Variants in SOX5 observed in about 807,000 individuals in gnomAD.
SOX5 encodes the protein transcription factor SOX-5.
A neutral mutation model predicts 92.0 loss-of-function variants in SOX5; 9 were observed. That is an observed-to-expected ratio of 0.10 (90% CI 0.06 to 0.17). The LOEUF is 0.17. Ranked by LOEUF, SOX5 falls within the 10% of genes least tolerant of loss-of-function variation. The pLI is 1.00. For missense variants in SOX5, 642 were observed against 944.5 expected, an observed-to-expected ratio of 0.68 and a Z score of 4.20; for synonymous variants, 344 against 336.3, an observed-to-expected ratio of 1.02 and a Z score of -0.25.
intron 1 of SOX5, among the ~76,000 whole-genome samples, chr12:24,500,984 C>T (rs956308958): frequency 3.9e-5 from 6 of 152,186 alleles, no homozygotes; most frequent in Non-Finnish European, 8.8e-5. Context: ...ACAGGATGTG[C>T]TGTGTATGAA....
intron 7 of SOX5, among the ~76,000 whole-genome samples, chr12:23,643,019 G>A (rs1454453959): frequency 5.0e-5 from 7 of 139,062 alleles, no homozygotes; most frequent in African/African-American, 7.9e-5. Flanking sequence ...CCCGGGAGGC[G>A]GAGCTTGCAG....
intron 4 of SOX5, among the ~76,000 whole-genome samples, chr12:24,070,071 T>C (rs11047246): frequency 0.04 from 6,144 of 152,218 alleles, 130 homozygotes; most frequent in East Asian, 0.077. Context: ...ACACAGCCCG[T>C]CTTTGTCCTG....
intron 4 of SOX5, among the ~76,000 whole-genome samples, chr12:24,063,900 T>C (rs1940195742): frequency 6.6e-6 from 1 of 152,196 alleles, no homozygotes; most frequent in African/African-American, 2.4e-5. Context: ...AAAATTCATA[T>C]AACCTAGGTC....
intron 1 of SOX5, among the ~76,000 whole-genome samples, chr12:23,929,669 T>C (rs1569068187): frequency 1.3e-5 from 2 of 151,960 alleles, no homozygotes; most frequent in Non-Finnish European, 2.9e-5. Flanking sequence ...TTAAATAGCA[T>C]ACATCAATAT....
At chr12:23,921,880 TTC>T (rs1938381394) in intron 1 of SOX5, among the ~76,000 whole-genome samples, 2 of 152,222 alleles carry the variant, frequency 1.3e-5, no homozygotes, top group African/African-American at 4.8e-5. Flanking sequence ...AGAAAAGCTG[TTC>T]TGTCTTTTCT....
chr12:23,993,445 G>A (rs546309778), intron 4 of SOX5, among the ~76,000 whole-genome samples: 1 of 152,116 alleles, frequency 6.6e-6, no homozygotes, highest in South Asian at 2.1e-4. Flanking sequence ...TTTTCTGTTG[G>A]AGCAGCAAAG....
intron 1 of SOX5, among the ~76,000 whole-genome samples, chr12:24,379,474 A>G (rs1196123086): frequency 1.3e-5 from 2 of 152,212 alleles, no homozygotes; most frequent in Non-Finnish European, 2.9e-5. Context: ...TGTCCAGAAC[A>G]GGCACCTGAT....
rs187117688 is a variant in SOX5, at chr12:24,238,385, T to C, written c.-76-24968A>G. Among the ~76,000 whole-genome samples the C allele has an allele frequency of 1.6e-3, 246 of 152,230 alleles. 3 individuals carry two copies. The highest frequency in any genetic ancestry group is 6.2e-4 in the South Asian group (3 of 4,820). The stretch of plus-strand genomic sequence containing the variant: ...TTTTTGAGTTTTTTGTTGTTGTTTG[T>C]TTATTGCCCAGGCTGAAATACAGGG... On this transcript the variant is annotated intron_variant, in intron 3 of 4. Transcript: ENST00000446891.
intron 9 of SOX5, among the ~76,000 whole-genome samples, chr12:23,603,744 T>C (rs960344402): frequency 2.0e-5 from 3 of 152,092 alleles, no homozygotes; most frequent in Non-Finnish European, 4.4e-5. Context: ...AATGTTTTCT[T>C]AGCTTAAAAA....
chr12:23,728,257 T>C (rs1201751690), intron 6 of SOX5, among the ~76,000 whole-genome samples: 1 of 152,226 alleles, frequency 6.6e-6, no homozygotes, highest in African/African-American at 2.4e-5. Context: ...TGTCCAGTTA[T>C]GATGTATTTT....
At chr12:24,330,023 A>AAAAC (rs1305627361) in intron 2 of SOX5, among the ~76,000 whole-genome samples, 1 of 152,208 alleles carries the variant, frequency 6.6e-6, no homozygotes, top group African/African-American at 2.4e-5. Flanking sequence ...ACTCTCTCTC[A>AAAAC]AAACAAACAA....
chr12:24,081,840 G>A (rs1294702881), intron 4 of SOX5, among the ~76,000 whole-genome samples: 1 of 151,884 alleles, frequency 6.6e-6, no homozygotes, highest in Non-Finnish European at 1.5e-5. Flanking sequence ...TATCAAACGT[G>A]TCTTTCTTTC....
intron 1 of SOX5, among the ~76,000 whole-genome samples, chr12:24,396,918 T>C (rs1194220621): frequency 6.6e-6 from 1 of 152,232 alleles, no homozygotes; most frequent in Non-Finnish European, 1.5e-5. Flanking sequence ...AGGAGTTGGT[T>C]AAAACACAAG....
intron 4 of SOX5, among the ~76,000 whole-genome samples, chr12:24,001,021 C>CA (rs900053853): frequency 9.2e-5 from 14 of 152,126 alleles, no homozygotes; most frequent in African/African-American, 3.4e-4. Context: ...CATGATACAT[C>CA]ATATGGTAAG....
At chr12:23,966,435 G>C (rs1947591514) in intron 4 of SOX5, among the ~76,000 whole-genome samples, 1 of 150,448 alleles carries the variant, frequency 6.6e-6, no homozygotes, top group Non-Finnish European at 1.5e-5. Flanking sequence ...TAAATGAAAT[G>C]ATTTGGCCAG....
At chr12:24,083,594 C>T (rs1046711728) in intron 4 of SOX5, among the ~76,000 whole-genome samples, 6 of 151,920 alleles carry the variant, frequency 3.9e-5, no homozygotes, top group Non-Finnish European at 8.8e-5. Flanking sequence ...GGAACTTCCC[C>T]AGAACTATGG....
rs191307045 is a variant in SOX5, at chr12:24,408,896, A to G, written c.-250-40257T>C. On this transcript the variant is annotated intron_variant, in intron 1 of 4. Coordinates refer to the SOX5 transcript ENST00000446891. ...GCTGGTGGGAATGTAAATTAATTCA[A>G]CCATTGTGGAAGACAGCATGGTGAT... Among the ~76,000 whole-genome samples the G allele has an allele frequency of 1.1e-4, 17 of 152,322 alleles. No homozygotes were observed. The East Asian group carries it at 3.3e-3, about 29-fold the overall frequency.
At chr12:23,816,661 G>C (rs916472504) in intron 3 of SOX5, among the ~76,000 whole-genome samples, 2 of 152,126 alleles carry the variant, frequency 1.3e-5, no homozygotes, top group Admixed American at 1.3e-4. Flanking sequence ...TAAAAGCAAG[G>C]TGACTAGGAA....
At chr12:23,560,732 G>C (rs907335318) in intron 11 of SOX5, among the ~76,000 whole-genome samples, 1 of 152,342 alleles carries the variant, frequency 6.6e-6, no homozygotes, top group Admixed American at 6.5e-5. Flanking sequence ...AGATGTAAGT[G>C]TGACATTATT....
Sources: allele counts gnomAD v4.1 joint callset (sites outside exome capture counted in the v4.1 genomes callset), GRCh38; gene constraint gnomAD v4.1.1; transcripts MANE v1.5; gene names NCBI Gene and HGNC (gene_info 2026-07-23, HGNC 2026-07-21).